CNTN5: variants seen among roughly 807,000 people sequenced by gnomAD.
CNTN5 encodes contactin 5, also known as contactin-5.
Under a neutral mutation model 129.1 loss-of-function variants are expected in CNTN5, and 77 were observed. The ratio of observed to expected loss-of-function variants is 0.60; its 90% CI spans 0.50 to 0.72. The LOEUF is 0.72. Among genes scored for constraint, CNTN5 ranks in the 30% least tolerant of loss-of-function variants. The pLI is 0.00. For synonymous variants in CNTN5, 509 were observed against 465.6 expected (o/e 1.09, Z -1.20); for missense variants, 1,478 against 1,328.8 (o/e 1.11, Z -1.75).
At chr11:100,136,724 G>A (rs959266239) in intron 13 of CNTN5, among the ~76,000 whole-genome samples, 1 of 151,094 alleles carries the variant, frequency 6.6e-6, no homozygotes, top group Non-Finnish European at 1.5e-5. Context: ...GCCCAGTATG[G>A]ATTTATTACA....
intron 1 of CNTN5, among the ~76,000 whole-genome samples, chr11:99,295,097 G>A (rs533200037): frequency 5.1e-4 from 78 of 152,186 alleles, no homozygotes; most frequent in African/African-American, 1.7e-3. Context: ...ATGGCTGCAC[G>A]CAAACATTTA....
At chr11:99,841,140 C>A (rs569572059) in intron 4 of CNTN5, among the ~76,000 whole-genome samples, 141 of 152,222 alleles carry the variant, frequency 9.3e-4, no homozygotes, top group African/African-American at 3.3e-3. Flanking sequence ...TATGTTGACG[C>A]ACTGGCTTAA....
chr11:99,283,577 A>G (rs1377203200), intron 1 of CNTN5, among the ~76,000 whole-genome samples: 1 of 152,192 alleles, frequency 6.6e-6, no homozygotes, highest in Non-Finnish European at 1.5e-5. Flanking sequence ...AATATATGAC[A>G]TAGTGATACT....
chr11:99,653,334 C>G (rs1043504181), intron 3 of CNTN5, among the ~76,000 whole-genome samples: 1 of 151,904 alleles, frequency 6.6e-6, no homozygotes, highest in Admixed American at 6.6e-5. Context: ...TCTTTTTCCC[C>G]ATAAGCACAG....
At chr11:99,930,827 A>C (rs146719430) in intron 7 of CNTN5, among the ~76,000 whole-genome samples, 1 of 150,534 alleles carries the variant, frequency 6.6e-6, no homozygotes, top group East Asian at 2.0e-4. Context: ...ACATTTTAGT[A>C]TTTTTACCAA....
intron 3 of CNTN5, among the ~76,000 whole-genome samples, chr11:99,629,620 C>T (rs1951263293): frequency 1.1e-5 from 1 of 91,830 alleles, no homozygotes. Context: ...TTAGATTTTT[C>T]TCATCATCAA....
chr11:99,202,589 T>G (rs765924139), intron 1 of CNTN5, among the ~76,000 whole-genome samples: 2 of 152,078 alleles, frequency 1.3e-5, no homozygotes, highest in Non-Finnish European at 2.9e-5. Context: ...CAAATTAGTG[T>G]CATTAATTTT....
chr11:100,313,253 G>A (rs1682813472), intron 21 of CNTN5, among the ~76,000 whole-genome samples: 1 of 151,954 alleles, frequency 6.6e-6, no homozygotes, highest in Non-Finnish European at 1.5e-5. Context: ...GAGAATTGAA[G>A]TTAAGAGTTA....
intron 8 of CNTN5, among the ~76,000 whole-genome samples, chr11:99,995,946 A>C (rs1939415654): frequency 6.6e-6 from 1 of 152,134 alleles, no homozygotes; most frequent in Non-Finnish European, 1.5e-5. Flanking sequence ...TCTAGAACTC[A>C]TCCTGAGCGT....
chr11:99,160,662 T>C (rs1860564770), intron 1 of CNTN5, among the ~76,000 whole-genome samples: 2 of 152,148 alleles, frequency 1.3e-5, no homozygotes, highest in South Asian at 4.1e-4. Flanking sequence ...CATCTAGTGA[T>C]GACAGAAGGT....
At chr11:100,087,083 T>C (rs1480805159) in intron 13 of CNTN5, among the ~76,000 whole-genome samples, 1 of 151,482 alleles carries the variant, frequency 6.6e-6, no homozygotes, top group Non-Finnish European at 1.5e-5. Flanking sequence ...ATTGATACTT[T>C]CAGAGGACCA....
At chr11:99,209,218 G>T (rs1283487070) in intron 1 of CNTN5, among the ~76,000 whole-genome samples, 1 of 152,118 alleles carries the variant, frequency 6.6e-6, no homozygotes, top group East Asian at 1.9e-4. Context: ...TCAAAGGCAG[G>T]AGACATGTGT....
intron 3 of CNTN5, among the ~76,000 whole-genome samples, chr11:99,748,504 A>G (rs567309653): frequency 2.0e-5 from 3 of 152,282 alleles, no homozygotes; most frequent in East Asian, 3.9e-4. Flanking sequence ...AGAAAGTTCT[A>G]CAATATGCTC....
At chr11:99,956,655 G>A (rs17134757) in intron 7 of CNTN5, 151 bp from the exon 8 acceptor site, 42,811 of 587,580 alleles carry the variant, frequency 0.073, 2,817 homozygotes, top group African/African-American at 0.24. Flanking sequence ...ATAATCCTTT[G>A]AATATAAAAT....
chr11:99,959,747 A>T (rs1249308699), intron 8 of CNTN5, among the ~76,000 whole-genome samples: 1 of 152,188 alleles, frequency 6.6e-6, no homozygotes, highest in African/African-American at 2.4e-5. Context: ...AATAAAACAA[A>T]ACTGTTATTT....
chr11:100,025,420 AG>A (rs1353682569), intron 9 of CNTN5, among the ~76,000 whole-genome samples: 16 of 152,224 alleles, frequency 1.1e-4, no homozygotes, highest in Non-Finnish European at 1.8e-4. Context: ...GCAGTGCAGA[AG>A]GGAACTGTTG....
chr11:100,226,637 C>T lies in CNTN5; in HGVS notation c.2005+1825C>T, dbSNP rs140090009. ...AGCTTTCACTTGAAGTGAGTTTGAT[C>T]AAGTCACCACTTTTCTATTATATAT... On this transcript the variant is annotated intron_variant, in intron 16 of 24. Transcript: ENST00000524871. Among the ~76,000 whole-genome samples, 407 of 152,246 alleles carry T rather than the reference C, an allele frequency of 2.7e-3. 7 individuals are homozygous for T. The highest frequency in any genetic ancestry group is 9.4e-3 in the African/African-American group (390 of 41,550).
chr11:99,693,451 G>A (rs1294653788), intron 3 of CNTN5, among the ~76,000 whole-genome samples: 1 of 151,908 alleles, frequency 6.6e-6, no homozygotes, highest in Non-Finnish European at 1.5e-5. Flanking sequence ...TTTTAAAGGA[G>A]GAGGTATTTG....
chr11:100,267,278 CACAGAGAG>C (rs1442953405), intron 17 of CNTN5, among the ~76,000 whole-genome samples: 1 of 136,410 alleles, frequency 7.3e-6, no homozygotes, highest in African/African-American at 3.0e-5. Context: ...CACACACACA[CACAGAGAG>C]AGAGAGAAAG....
Sources: gnomAD v4.1 joint callset for allele counts (sites outside exome capture counted in the v4.1 genomes callset) on GRCh38, gnomAD v4.1.1 for gene constraint, MANE v1.5 for transcripts, NCBI Gene and HGNC (gene_info 2026-07-23, HGNC 2026-07-21) for gene names.